The following PRIM2 variants were observed in gnomAD, a reference collection of about 807,000 sequenced individuals.
PRIM2 encodes DNA primase subunit 2, also known as DNA primase large subunit.
A neutral mutation model predicts 67.3 loss-of-function variants in PRIM2; 39 were observed. The ratio of observed to expected loss-of-function variants is 0.58; its 90% CI spans 0.45 to 0.76. The LOEUF (loss-of-function observed/expected upper bound fraction) is 0.76, where lower values mean the gene tolerates loss of function less well. Ranked by LOEUF, PRIM2 falls within the 30% of genes least tolerant of loss-of-function variation. PRIM2 has a pLI of 0.00. For synonymous variants in PRIM2, 143 were observed against 198.7 expected (o/e 0.72, Z 2.36); for missense variants, 398 against 598.7 (o/e 0.66, Z 3.50).
chr6:57,449,209 G>A (rs1772457266), intron 7 of PRIM2, among the ~76,000 whole-genome samples: 1 of 152,114 alleles, frequency 6.6e-6, no homozygotes, highest in African/African-American at 2.4e-5. Context: ...TGCTATACAT[G>A]TAAATTTCTA....
At chr6:57,440,324 C>T (rs1185130426) in intron 7 of PRIM2, among the ~76,000 whole-genome samples, 1 of 151,874 alleles carries the variant, frequency 6.6e-6, no homozygotes, top group Non-Finnish European at 1.5e-5. Flanking sequence ...GAGTCTTGCT[C>T]TGTCGCTTAG....
intron 12 of PRIM2, among the ~76,000 whole-genome samples, chr6:57,622,165 G>T (rs1381533044): frequency 6.6e-6 from 1 of 151,626 alleles, no homozygotes; most frequent in African/African-American, 2.4e-5. Context: ...AGTAATAATG[G>T]TATCGAAAAA....
intron 12 of PRIM2, among the ~76,000 whole-genome samples, chr6:57,617,635 A>G (rs1361691723): frequency 6.6e-6 from 1 of 152,192 alleles, no homozygotes; most frequent in Non-Finnish European, 1.5e-5. Context: ...AGTTCTTAAT[A>G]TATTTTGGAT....
rs13201447 is a variant in PRIM2, at chr6:57,429,399, G to T, written c.693+47231G>T. Among the ~76,000 whole-genome samples, 33 of 152,192 alleles carry T rather than the reference G, an allele frequency of 2.2e-4. 1 individual carries two copies. Among genetic ancestry groups the T allele is most frequent in the African/African-American group, 7.2e-4 (30 of 41,522 alleles). On this transcript the variant is annotated intron_variant, in intron 7 of 13. Coordinates refer to ENST00000615550, the MANE Select transcript of PRIM2 (RefSeq NM_000947.5). ...TGAGAATGGGGGATTTTCAGTAAAC[G>T]GACTTATTAGCAGGATTCTTGCTGA...
intron 5 of PRIM2, among the ~76,000 whole-genome samples, chr6:57,347,236 C>T (rs1233867517): frequency 2.0e-5 from 3 of 151,980 alleles, no homozygotes; most frequent in African/African-American, 4.8e-5. Flanking sequence ...ATTGGAAAAC[C>T]CAGAGGACTG....
At chr6:57,275,252 T>A in the PRIM2 span, among the ~76,000 whole-genome samples, 1 of 152,206 alleles carries the variant, frequency 6.6e-6, no homozygotes, top group Non-Finnish European at 1.5e-5. Flanking sequence ...GGCTCAGGCC[T>A]GTAATCCCAG....
intron 7 of PRIM2, among the ~76,000 whole-genome samples, chr6:57,459,950 C>A (rs545493314): frequency 6.6e-6 from 1 of 152,170 alleles, no homozygotes; most frequent in African/African-American, 2.4e-5. Flanking sequence ...GTACTGCCTG[C>A]AGCAGAAGAG....
At chr6:57,223,917 C>T in the PRIM2 span, among the ~76,000 whole-genome samples, 2 of 152,016 alleles carry the variant, frequency 1.3e-5, no homozygotes, top group Non-Finnish European at 2.9e-5. Context: ...TTGTATGGTT[C>T]ATCAGAACAT....
chr6:57,231,503 G>A, the PRIM2 span, among the ~76,000 whole-genome samples: 2 of 152,114 alleles, frequency 1.3e-5, no homozygotes, highest in African/African-American at 4.8e-5. Flanking sequence ...AAGTCAATAA[G>A]CAACAAATAG....
intron 5 of PRIM2, among the ~76,000 whole-genome samples, chr6:57,353,254 A>G (rs1768914723): frequency 6.6e-6 from 1 of 151,794 alleles, no homozygotes. Context: ...CAATATCACC[A>G]CTTGAGTAAG....
chr6:57,230,034 G>T, the PRIM2 span, among the ~76,000 whole-genome samples: 1 of 152,206 alleles, frequency 6.6e-6, no homozygotes, highest in Non-Finnish European at 1.5e-5. Flanking sequence ...CAGGGCTTCA[G>T]AATGTTCAAA....
At chr6:57,352,487 C>T (rs1768889057) in intron 5 of PRIM2, among the ~76,000 whole-genome samples, 1 of 152,180 alleles carries the variant, frequency 6.6e-6, no homozygotes, top group African/African-American at 2.4e-5. Context: ...GATCCATCTG[C>T]TTCGGCCTCC....
intron 5 of PRIM2, among the ~76,000 whole-genome samples, chr6:57,361,922 A>G (rs1342275004): frequency 1.3e-5 from 2 of 152,244 alleles, no homozygotes; most frequent in East Asian, 3.9e-4. Flanking sequence ...GGGCATTGCC[A>G]TGGGCTGGAT....
At chr6:57,411,728 T>C (rs1156506536) in intron 7 of PRIM2, among the ~76,000 whole-genome samples, 1 of 152,244 alleles carries the variant, frequency 6.6e-6, no homozygotes, top group African/African-American at 2.4e-5. Context: ...TATATATTAC[T>C]GAATTTTTGC....
chr6:57,481,755 C>G (rs1357157603), intron 7 of PRIM2, among the ~76,000 whole-genome samples: 1 of 152,132 alleles, frequency 6.6e-6, no homozygotes, highest in African/African-American at 2.4e-5. Context: ...TTCTTACTGG[C>G]ATTTGGTGTC....
intron 5 of PRIM2, among the ~76,000 whole-genome samples, chr6:57,332,062 C>T (rs1768073444): frequency 6.6e-6 from 1 of 151,966 alleles, no homozygotes; most frequent in Non-Finnish European, 1.5e-5. Context: ...GTAAGCACTA[C>T]TTCAGATGCA....
chr6:57,392,349 G>A (rs1236640703), intron 7 of PRIM2, among the ~76,000 whole-genome samples: 1 of 152,050 alleles, frequency 6.6e-6, no homozygotes, highest in Non-Finnish European at 1.5e-5. Flanking sequence ...CTTCCTATTT[G>A]GATGCCTGCC....
the PRIM2 span, among the ~76,000 whole-genome samples, chr6:57,229,621 G>A: frequency 2.0e-5 from 3 of 151,976 alleles, no homozygotes; most frequent in Admixed American, 6.6e-5. Flanking sequence ...CCGGGTAGCT[G>A]GGATTACAGG....
chr6:57,578,712 T>C (rs1169947931), intron 10 of PRIM2, among the ~76,000 whole-genome samples: 65 of 148,386 alleles, frequency 4.4e-4, no homozygotes, highest in African/African-American at 3.9e-4. Context: ...AGTCTCGCTC[T>C]GTCGCCCAGG....
Sources: allele counts gnomAD v4.1 joint callset (sites outside exome capture counted in the v4.1 genomes callset), GRCh38; gene constraint gnomAD v4.1.1; transcripts MANE v1.5; gene names NCBI Gene and HGNC (gene_info 2026-07-23, HGNC 2026-07-21).